The following UNC79 variants were observed in gnomAD, a reference collection of about 807,000 sequenced individuals.
UNC79 encodes protein unc-79 homolog.
In UNC79, 37 loss-of-function variants were observed where a neutral mutation model predicts 283.1. The observed-to-expected ratio is 0.13, with a 90% confidence interval of 0.10 to 0.17. The LOEUF (loss-of-function observed/expected upper bound fraction) is 0.17, where lower values mean the gene tolerates loss of function less well. Ranked by LOEUF, UNC79 falls within the 10% of genes least tolerant of loss-of-function variation. The probability of loss-of-function intolerance (pLI) is 1.00; values close to 1 mark genes in which losing one functional copy is unlikely to be tolerated. For synonymous variants in UNC79, 1,107 were observed against 1,200.2 expected (o/e 0.92, Z 1.61); for missense variants, 2,272 against 3,211.1 (o/e 0.71, Z 7.07).
chr14:93,696,018 T>C (rs956512286), intron 47 of UNC79, among the ~76,000 whole-genome samples: 1 of 152,058 alleles, frequency 6.6e-6, no homozygotes, highest in African/African-American at 2.4e-5. Context: ...TCTGTCACTA[T>C]AGATCAGCTT....
At chr14:93,370,443 T>G (rs2054419265) in intron 1 of UNC79, among the ~76,000 whole-genome samples, 1 of 152,176 alleles carries the variant, frequency 6.6e-6, no homozygotes, top group Non-Finnish European at 1.5e-5. Flanking sequence ...TTTAGTAGAC[T>G]AGACACAGCT....
Position 93,686,672 on chromosome 14 carries a change from C to T in UNC79, c.6909+11C>T, listed in dbSNP as rs372924254. The T allele has an allele frequency of 4.2e-5, 67 of 1,613,718 alleles. No individual in the cohort carries two copies. The highest frequency in any genetic ancestry group is 2.7e-4 in the Admixed American group (16 of 59,984). On this transcript the variant is annotated intron_variant, in intron 43 of 48. Transcript: ENST00000555664. Reference sequence around the variant, plus strand: ...CTGACCAAACTGAAGGTGAGATGACCGCCACCTGCTCATCCCTCAGGTTCA... The same window carrying T: ...CTGACCAAACTGAAGGTGAGATGACTGCCACCTGCTCATCCCTCAGGTTCA...
At chr14:93,516,709 A>T (rs145813725) in intron 7 of UNC79, among the ~76,000 whole-genome samples, 1 of 152,138 alleles carries the variant, frequency 6.6e-6, no homozygotes, top group Non-Finnish European at 1.5e-5. Flanking sequence ...CAGCCTCCCA[A>T]AGTGCTGGGA....
At chr14:93,681,329 G>T (rs1566915059) in intron 41 of UNC79, among the ~76,000 whole-genome samples, 1 of 152,214 alleles carries the variant, frequency 6.6e-6, no homozygotes, top group South Asian at 2.1e-4. Context: ...ACCAGCTCTT[G>T]GCCCTGAGCC....
intron 1 of UNC79, among the ~76,000 whole-genome samples, chr14:93,352,450 T>G (rs917229858): frequency 1.3e-5 from 2 of 152,224 alleles, no homozygotes; most frequent in Admixed American, 1.3e-4. Flanking sequence ...TTGAACCGTT[T>G]GACACTCAAG....
chr14:93,395,790 A>G (rs955432358), intron 1 of UNC79, among the ~76,000 whole-genome samples: 3 of 152,104 alleles, frequency 2.0e-5, no homozygotes, highest in African/African-American at 7.2e-5. Context: ...TGAGTATCAT[A>G]TATACATGGT....
chr14:93,381,817 G>A (rs2054671608), intron 1 of UNC79, among the ~76,000 whole-genome samples: 1 of 152,166 alleles, frequency 6.6e-6, no homozygotes, highest in South Asian at 2.1e-4. Context: ...CACTTGCCAT[G>A]GTCAGAGAGC....
rs564375803 is a variant in UNC79, at chr14:93,576,287, G to T, written c.2211+1089G>T. Among the ~76,000 whole-genome samples, 9 of 152,274 alleles carry T rather than the reference G, an allele frequency of 5.9e-5. No homozygotes were observed. The East Asian group carries it at 1.7e-3, about 29-fold the overall frequency. ...TCTTCCTTTTTACCTTAAAAATGGT[G>T]TTTGAAGAGCTTTGTGGTTACCACA... On this transcript the variant is annotated intron_variant, in intron 17 of 48. Transcript: ENST00000555664.
chr14:93,377,637 A>G (rs535232129), intron 1 of UNC79, among the ~76,000 whole-genome samples: 3 of 152,336 alleles, frequency 2.0e-5, no homozygotes, highest in South Asian at 4.1e-4. Context: ...CATTTAGGAC[A>G]CATTTTGAAA....
At chr14:93,376,401 T>A (rs1012321021) in intron 1 of UNC79, among the ~76,000 whole-genome samples, 3 of 152,188 alleles carry the variant, frequency 2.0e-5, no homozygotes, top group Admixed American at 6.5e-5. Flanking sequence ...TACTAATGCG[T>A]TCCAGGGTAG....
intron 10 of UNC79, 21 bp downstream of exon 10, chr14:93,529,347 G>A (rs1567056698): frequency 6.2e-7 from 1 of 1,612,912 alleles, no homozygotes; most frequent in African/African-American, 1.3e-5. Flanking sequence ...CTTAGGAAAG[G>A]ATGAATAATG....
chr14:93,607,067 A>G (rs2065937391), intron 26 of UNC79, among the ~76,000 whole-genome samples: 1 of 152,208 alleles, frequency 6.6e-6, no homozygotes, highest in Non-Finnish European at 1.5e-5. Context: ...TTGATGGGAT[A>G]CACAATCTTT....
intron 34 of UNC79, 137 bp downstream of exon 37, chr14:93,643,834 G>C: frequency 7.5e-7 from 1 of 1,334,816 alleles, no homozygotes; most frequent in Middle Eastern, 2.7e-4. Flanking sequence ...ACTCAGACTA[G>C]TTTTAAAAAC....
Position 93,513,875 on chromosome 14 carries a change from C to T in UNC79, c.899-10103C>T, listed in dbSNP as rs556153473. 9.3e-4 allele frequency among the ~76,000 whole-genome samples: 142 copies of T among 152,254 alleles called. 2 individuals carry two copies. Among genetic ancestry groups the T allele is most frequent in the African/African-American group, 3.3e-3 (137 of 41,558 alleles). On this transcript the variant is annotated intron_variant, in intron 7 of 48. Transcript: ENST00000555664. ...TAAGCCAAGTATATTTCAGTTTTGC[C>T]TTTAGTCCTAGTGTATAACTATGAC...
In UNC79 at chr14:93,386,927, C is replaced by CTTTTTTT. The variant is rs35267402; in HGVS notation, c.-351+53430_-351+53436dup. Among the ~76,000 whole-genome samples, 12 of 27,194 alleles carry CTTTTTTT rather than the reference C, an allele frequency of 4.4e-4. 2 individuals are homozygous for CTTTTTTT. Among genetic ancestry groups the CTTTTTTT allele is most frequent in the Non-Finnish European group, 6.1e-4 (10 of 16,384 alleles). 17.8% of individuals were successfully genotyped at this position (27,194 alleles called of 152,430 possible). On this transcript the variant is annotated intron_variant, in intron 1 of 49. Transcript: ENST00000256339. ...TTCATTTCAATTTCATGTATTTCTG[C>CTTTTTTT]TTTTTTTTTTTTTTTTTTTTTTTTT...
intron 14 of UNC79, among the ~76,000 whole-genome samples, chr14:93,567,052 T>C (rs138325530): frequency 2.0e-5 from 3 of 152,328 alleles, no homozygotes; most frequent in African/African-American, 7.2e-5. Flanking sequence ...CCTAAAAGTT[T>C]CTCTGTACAT....
chr14:93,390,450 G>A (rs1028782313), intron 1 of UNC79, among the ~76,000 whole-genome samples: 2 of 152,164 alleles, frequency 1.3e-5, no homozygotes, highest in African/African-American at 4.8e-5. Flanking sequence ...ATGTTGCACT[G>A]GAAGTCCTAG....
At chr14:93,413,904 T>G (rs2055394121) in intron 1 of UNC79, among the ~76,000 whole-genome samples, 1 of 103,766 alleles carries the variant, frequency 9.6e-6, no homozygotes, top group Non-Finnish European at 2.1e-5. Flanking sequence ...TTTGTTTGAA[T>G]TCATTGTAGA....
In UNC79 at chr14:93,365,276, C is replaced by G. The variant is rs373807435; in HGVS notation, c.-351+31753C>G. Among the ~76,000 whole-genome samples the G allele has an allele frequency of 3.3e-5, 5 of 150,080 alleles. No homozygotes were observed. In the South Asian group the frequency reaches 1.1e-3, roughly 32 times the overall value. The stretch of plus-strand genomic sequence containing the variant: ...TGGCAGGTGCCTATAATCCCAGCTA[C>G]TTGAAGGCTGAGGCAGGAGAATCAC... On this transcript the variant is annotated intron_variant, in intron 1 of 49. Coordinates refer to the UNC79 transcript ENST00000256339.
Sources: allele counts gnomAD v4.1 joint callset (sites outside exome capture counted in the v4.1 genomes callset), GRCh38; gene constraint gnomAD v4.1.1; transcripts MANE v1.5; gene names NCBI Gene and HGNC (gene_info 2026-07-23, HGNC 2026-07-21).